Variants in ZZEF1 observed in about 807,000 individuals in gnomAD.
ZZEF1 encodes the protein zinc finger ZZ-type and EF-hand domain-containing protein 1.
In ZZEF1, 157 loss-of-function variants were observed where a neutral mutation model predicts 342.8. The ratio of observed to expected loss-of-function variants is 0.46; its 90% CI spans 0.40 to 0.52. ZZEF1 has a LOEUF of 0.52. Ranked by LOEUF, ZZEF1 falls within the 20% of genes least tolerant of loss-of-function variation. The pLI, the probability that ZZEF1 is intolerant of heterozygous loss-of-function variation, is 0.00. For missense variants in ZZEF1, 3,480 were observed against 3,725.6 expected, an observed-to-expected ratio of 0.93 and a Z score of 1.72; for synonymous variants, 1,505 against 1,429.1, an observed-to-expected ratio of 1.05 and a Z score of -1.20.
intron 39 of ZZEF1, among the ~76,000 whole-genome samples, chr17:4,038,876 T>C (rs1353029836): frequency 1.3e-5 from 2 of 152,132 alleles, no homozygotes; most frequent in Non-Finnish European, 2.9e-5. Context: ...TGCAGCGACT[T>C]ACTCCAGCTA....
intron 3 of ZZEF1, among the ~76,000 whole-genome samples, chr17:4,116,694 A>G (rs1271373981): frequency 6.6e-6 from 1 of 152,232 alleles, no homozygotes; most frequent in African/African-American, 2.4e-5. Flanking sequence ...TAAACCTGCA[A>G]AGGTGACCCT....
chr17:4,096,269 GA>G (rs2058031575), intron 10 of ZZEF1, among the ~76,000 whole-genome samples: 1 of 151,434 alleles, frequency 6.6e-6, no homozygotes, highest in African/African-American at 2.4e-5. Flanking sequence ...AATGTTCAAT[GA>G]ATAACCAATG....
chr17:4,077,973 C>A lies in ZZEF1; in HGVS notation c.2899G>T (p.Val967Phe), dbSNP rs779999888. The A allele has an allele frequency of 6.2e-7, 1 of 1,614,134 alleles. No individual in the cohort carries two copies. Among genetic ancestry groups the A allele is most frequent in the South Asian group, 1.1e-5 (1 of 91,076 alleles). Residue 967 changes from valine to phenylalanine, a missense_variant, in exon 19 of 55, where the codon GTC becomes TTC. By Grantham distance (50) the Val-to-Phe change is conservative. This residue lies in a region of ZZEF1 where 1,528 missense variants were observed against 1,624.1 expected (regional missense o/e 0.94). Coordinates refer to ENST00000381638, the MANE Select transcript of ZZEF1 (RefSeq NM_015113.4). The part of the protein sequence containing the change: ...GSVLFSLFWS[V>F]QGSLLSWCYL... ...CACCAGGATAGCAGGCTGCCTTGGA[C>A]GGACCAGAACAGGGAGAAGAGCACA...
chr17:4,134,085 A>G (rs1227070627), intron 1 of ZZEF1, among the ~76,000 whole-genome samples: 1 of 152,120 alleles, frequency 6.6e-6, no homozygotes, highest in African/African-American at 2.4e-5. Context: ...ATAAAACAAA[A>G]ACAAATAATT....
intron 1 of ZZEF1, among the ~76,000 whole-genome samples, chr17:4,137,993 A>C (rs9910347): frequency 3.9e-5 from 6 of 152,008 alleles, no homozygotes; most frequent in African/African-American, 1.5e-4. Flanking sequence ...ATGCGGGGGT[A>C]GGGGGAAGAT....
At chr17:4,037,832 T>C (rs1326121501) in intron 39 of ZZEF1, among the ~76,000 whole-genome samples, 1 of 152,168 alleles carries the variant, frequency 6.6e-6, no homozygotes, top group Non-Finnish European at 1.5e-5. Flanking sequence ...ACCCTCCTAC[T>C]TGGTCTCCCA....
At position 4,059,196 on chromosome 17, in the gene ZZEF1, T is replaced by C; in HGVS notation, c.4978A>G (p.Lys1660Glu). 1 of 1,603,712 alleles carries C rather than the reference T, an allele frequency of 6.2e-7. No homozygotes were observed. The highest frequency in any genetic ancestry group is 8.5e-7 in the Non-Finnish European group (1 of 1,178,170). The change falls in exon 31 of 55, where the codon AAA (lysine) becomes GAA (glutamate). Residue 1660 changes from lysine (K) to glutamate (E), a missense_variant. Transcript: ENST00000381638. ...QLVLFLVKAVKGFSSLNDRSL... is the reference protein window; with the variant it reads ...QLVLFLVKAVEGFSSLNDRSL... ...CTGTCATTTAGGCTACTAAATCCTTTAACTGCTTTGACCAAAAACAGAACA... is the reference window on the plus strand; with the variant it reads ...CTGTCATTTAGGCTACTAAATCCTTCAACTGCTTTGACCAAAAACAGAACA...
rs530412286 is a variant in ZZEF1 at position 4,026,005 on chromosome 17, G to C, written c.6893-887C>G. Among the ~76,000 whole-genome samples, 12 of 152,288 alleles carry C rather than the reference G, an allele frequency of 7.9e-5. No individual in the cohort carries two copies. The South Asian group carries it at 2.5e-3, about 32-fold the overall frequency. ...GAGTTCAGGGAGGTCAAGGCTGCTA[G>C]AATGTACAGGGCAGAATATCAGAGC... On this transcript the variant is annotated intron_variant, in intron 42 of 54. Coordinates refer to ENST00000381638, the MANE Select transcript of ZZEF1 (RefSeq NM_015113.4).
chr17:4,009,397 CAAAAT>C, intron 53 of ZZEF1: 1 of 674,756 alleles, frequency 1.5e-6, no homozygotes, highest in Non-Finnish European at 2.5e-6. Context: ...CTAGGCCTGA[CAAAAT>C]AAGCAATCTC....
chr17:4,109,947 T>G lies in ZZEF1; in HGVS notation c.1067-84A>C, dbSNP rs116246176. The G allele has an allele frequency of 3.7e-6, 5 of 1,343,396 alleles. No individual in the cohort carries two copies. The South Asian group carries it at 6.4e-5, about 17-fold the overall frequency. 83.2% of individuals were successfully genotyped at this position (1,343,396 alleles called of 1,614,324 possible). ...CTCCCAACTAAAAGCAAAATAGTAA[T>G]AGACATTTTGAAAAGAAAATTCTGA... On this transcript the variant is annotated intron_variant, in intron 5 of 54. Coordinates refer to ENST00000381638, the MANE Select transcript of ZZEF1 (RefSeq NM_015113.4).
intron 39 of ZZEF1, among the ~76,000 whole-genome samples, chr17:4,037,710 A>C (rs1162618008): frequency 6.6e-6 from 1 of 152,090 alleles, no homozygotes; most frequent in Non-Finnish European, 1.5e-5. Context: ...CAGCCTCCCA[A>C]GTAGCTGAGA....
chr17:4,056,130 A>G, intron 33 of ZZEF1, 86 bp downstream of exon 33: 14 of 1,367,504 alleles, frequency 1.0e-5, no homozygotes, highest in Non-Finnish European at 1.1e-5. Flanking sequence ...CTCTCAGGTA[A>G]GAGCCTGCCA....
At chr17:4,081,205 C>A (rs1449085976) in intron 18 of ZZEF1, among the ~76,000 whole-genome samples, 171 bp downstream of exon 18, 2 of 152,070 alleles carry the variant, frequency 1.3e-5, no homozygotes, top group African/African-American at 4.8e-5. Flanking sequence ...CCACTGCACC[C>A]CAGCCCGGGT....
intron 39 of ZZEF1, 151 bp from the exon 40 acceptor site, chr17:4,034,443 T>G: frequency 4.1e-6 from 3 of 733,676 alleles, no homozygotes. Context: ...GTATAATCAC[T>G]TACAAAATAA....
chr17:4,092,299 C>CCT (rs1555604466), intron 11 of ZZEF1, among the ~76,000 whole-genome samples: 11 of 118,396 alleles, frequency 9.3e-5, no homozygotes, highest in African/African-American at 3.2e-4. Context: ...AAACATGTCC[C>CCT]TTTTTTTTTT....
intron 16 of ZZEF1, among the ~76,000 whole-genome samples, chr17:4,083,755 G>A (rs745497428): frequency 6.7e-5 from 10 of 149,948 alleles, no homozygotes; most frequent in Non-Finnish European, 8.9e-5. Context: ...CTCCTGCTTC[G>A]ACCTCCCGAG....
intron 35 of ZZEF1, 79 bp downstream of exon 35, chr17:4,051,892 A>T (rs1430025584): frequency 9.5e-6 from 14 of 1,472,072 alleles, no homozygotes; most frequent in East Asian, 7.0e-5. Flanking sequence ...AAACTTTTTT[A>T]AAAAAAGAAA....
Position 4,087,530 on chromosome 17 carries a change from T to C in ZZEF1, c.2246A>G (p.Gln749Arg), listed in dbSNP as rs766451491. Reference protein sequence around the residue: ...FIQQLAHDLVQQKESGLKYKS... With the variant: ...FIQQLAHDLVRQKESGLKYKS... ...ATATTTTAAGCCACTTTCCTTCTGC[T>C]GCACCTAAAAAATTATAAAGATCAG... Residue 749 changes from glutamine to arginine, a missense_variant, in exon 14 of 55, where the codon CAG (glutamine) becomes CGG (arginine). Physicochemically the swap from Gln to Arg is conservative, Grantham distance 43. Transcript: ENST00000381638. 4.4e-6 allele frequency: 7 copies of C among 1,604,326 alleles called. No individual in the cohort carries two copies. The African/African-American group carries it at 8.1e-5, about 19-fold the overall frequency.
intron 15 of ZZEF1, 96 bp downstream of exon 15, chr17:4,086,390 G>GGGGATTCCCACAGCAGCAAT: frequency 8.1e-7 from 1 of 1,231,062 alleles, no homozygotes; most frequent in Non-Finnish European, 1.1e-6. Context: ...TCCCTTTCTG[G>GGGGATTCCCACAGCAGCAAT]CTCGCATCAT....
Sources: allele counts gnomAD v4.1 joint callset (sites outside exome capture counted in the v4.1 genomes callset), GRCh38; gene constraint gnomAD v4.1.1; regional missense constraint gnomAD v4.1.1; transcripts MANE v1.5; gene names NCBI Gene and HGNC (gene_info 2026-07-23, HGNC 2026-07-21).